Variants in RBL1 observed in about 807,000 individuals in gnomAD.
RBL1 encodes the protein retinoblastoma-like protein 1.
In RBL1, 82 loss-of-function variants were observed where a neutral mutation model predicts 123.0. The ratio of observed to expected loss-of-function variants is 0.67; its 90% confidence interval spans 0.56 to 0.80. The LOEUF (loss-of-function observed/expected upper bound fraction) is 0.80. Ranked by LOEUF, RBL1 falls within the 30% of genes least tolerant of loss-of-function variation. RBL1 has a pLI of 0.00. For synonymous variants in RBL1, 405 were observed against 441.3 expected (o/e 0.92, Z 1.03); for missense variants, 1,171 against 1,299.6 (o/e 0.90, Z 1.52).
intron 21 of RBL1, among the ~76,000 whole-genome samples, chr20:36,999,389 A>C (rs1470087008): frequency 6.6e-6 from 1 of 151,910 alleles, no homozygotes; most frequent in African/African-American, 2.4e-5. Context: ...ACCTTGTCTC[A>C]AAAACCAAAC....
At chr20:37,047,472 T>C (rs758037030) in intron 11 of RBL1, among the ~76,000 whole-genome samples, 13 of 152,162 alleles carry the variant, frequency 8.5e-5, no homozygotes, top group Non-Finnish European at 1.6e-4. Flanking sequence ...AGCATTAGAA[T>C]TGGTTATTTT....
intron 15 of RBL1, among the ~76,000 whole-genome samples, chr20:37,033,688 T>C (rs1026967664): frequency 7.3e-5 from 11 of 151,006 alleles, no homozygotes; most frequent in African/African-American, 2.4e-4. Context: ...CTTGGCTCAC[T>C]GAGACCTCTG....
At chr20:37,024,825 T>C (rs2064394831) in intron 16 of RBL1, among the ~76,000 whole-genome samples, 1 of 152,308 alleles carries the variant, frequency 6.6e-6, no homozygotes, top group East Asian at 1.9e-4. Context: ...GAAACTGCTA[T>C]ATTTTCAAGC....
intron 16 of RBL1, among the ~76,000 whole-genome samples, chr20:37,023,511 A>C (rs1391389569): frequency 1.3e-5 from 2 of 152,152 alleles, no homozygotes; most frequent in East Asian, 3.8e-4. Flanking sequence ...ATGCCAAATA[A>C]TAAATGAAAT....
chr20:37,025,129 T>C (rs771234540), intron 16 of RBL1, among the ~76,000 whole-genome samples: 11 of 152,194 alleles, frequency 7.2e-5, no homozygotes, highest in Non-Finnish European at 1.6e-4. Context: ...GTAGAAGCTA[T>C]AAATGAGTTG....
intron 19 of RBL1, among the ~76,000 whole-genome samples, chr20:37,010,380 T>G (rs1465079387): frequency 6.6e-6 from 1 of 152,240 alleles, no homozygotes; most frequent in East Asian, 1.9e-4. Flanking sequence ...GAACAAGCCC[T>G]GTATTAAATA....
Position 37,089,247 on chromosome 20 carries a change from G to A in RBL1, c.157-125C>T, listed in dbSNP as rs74567573. On this transcript the variant is annotated intron_variant, in intron 1 of 21. Transcript: ENST00000373664. ...CTTATGTAGATAAAGGGCCAGAGAA[G>A]TGAAGATATTTGCCCAAGGTCACAA... 1.5e-3 allele frequency: 1,452 copies of A among 939,924 alleles called. 34 individuals are homozygous for A. In the East Asian group the frequency reaches 0.037, roughly 24 times the overall value. 58.2% of individuals were successfully genotyped at this position (939,924 alleles called of 1,614,324 possible).
At chr20:37,007,870 C>T (rs553138441) in intron 19 of RBL1, among the ~76,000 whole-genome samples, 36 of 152,110 alleles carry the variant, frequency 2.4e-4, no homozygotes, top group African/African-American at 8.7e-4. Context: ...GGATTACAGG[C>T]ATGAGCCACC....
At chr20:37,015,543 A>G (rs6017001) in intron 19 of RBL1, among the ~76,000 whole-genome samples, 24,666 of 149,334 alleles carry the variant, frequency 0.17, 2,462 homozygotes, top group East Asian at 0.49. Flanking sequence ...CCCTTCTCCT[A>G]CCTCAGCCTC....
chr20:37,091,095 G>T (rs1357767330), intron 1 of RBL1, among the ~76,000 whole-genome samples: 1 of 152,146 alleles, frequency 6.6e-6, no homozygotes, highest in African/African-American at 2.4e-5. Flanking sequence ...GGTGGCTCAC[G>T]TCTGTAATCC....
chr20:37,062,336 TAG>T (rs988351151), intron 7 of RBL1, 66 bp from the exon 8 acceptor site: 1 of 1,553,716 alleles, frequency 6.4e-7, no homozygotes, highest in African/African-American at 1.4e-5. Context: ...GACTTGAAGA[TAG>T]ATTTAGTGTT....
chr20:37,004,222 T>C (rs531446064), intron 20 of RBL1, among the ~76,000 whole-genome samples: 5 of 151,372 alleles, frequency 3.3e-5, no homozygotes, highest in Admixed American at 6.6e-5. Context: ...AGGCATGTGC[T>C]GGGATTACAG....
chr20:37,018,490 T>A, intron 18 of RBL1, 121 bp from the exon 19 acceptor site: 1 of 1,337,564 alleles, frequency 7.5e-7, no homozygotes, highest in East Asian at 2.7e-5. Context: ...TAAGTGATAC[T>A]CAAGGGTAAA....
chr20:37,053,510 G>C (rs192102802), intron 11 of RBL1, among the ~76,000 whole-genome samples: 188 of 152,198 alleles, frequency 1.2e-3, no homozygotes, highest in African/African-American at 4.4e-3. Context: ...GAGCTGCTGA[G>C]GTAGGCTCTC....
rs1282856920 is a variant in RBL1 at position 37,024,452 on chromosome 20, C to T, written c.2383-1626G>A. On this transcript the variant is annotated intron_variant, in intron 16 of 21. Coordinates refer to ENST00000373664, the MANE Select transcript of RBL1 (RefSeq NM_002895.5). Reference sequence around the variant, plus strand: ...ACTTGGTAAAGTATCTTTTACAGAGCTGATCCAATGCTTACAGGATACACA... The same window carrying T: ...ACTTGGTAAAGTATCTTTTACAGAGTTGATCCAATGCTTACAGGATACACA... 3.3e-5 allele frequency among the ~76,000 whole-genome samples: 5 copies of T among 152,266 alleles called. No individual in the cohort carries two copies. In the East Asian group the frequency reaches 9.6e-4, roughly 29 times the overall value.
chr20:37,068,418 G>C (rs900182668), intron 2 of RBL1, among the ~76,000 whole-genome samples: 8 of 152,018 alleles, frequency 5.3e-5, no homozygotes, highest in African/African-American at 1.9e-4. Context: ...CTTGAGCCCA[G>C]GATGTCGAGA....
rs373654799 is a variant in RBL1 at position 37,091,185 on chromosome 20, C to T, written c.157-2063G>A. Reference sequence around the variant, plus strand: ...CAGCCTGGCCAATGTGGCGAAACCCCGTCTCTACTAAAAAATACAAAAATT... The same window carrying T: ...CAGCCTGGCCAATGTGGCGAAACCCTGTCTCTACTAAAAAATACAAAAATT... On this transcript the variant is annotated intron_variant, in intron 1 of 21. Coordinates refer to ENST00000373664, the MANE Select transcript of RBL1 (RefSeq NM_002895.5). Among the ~76,000 whole-genome samples the T allele has an allele frequency of 7.9e-5, 12 of 152,072 alleles. No individual in the cohort carries two copies. In the South Asian group the frequency reaches 1.7e-3, roughly 21 times the overall value.
chr20:37,050,049 C>T (rs1249886273), intron 11 of RBL1, among the ~76,000 whole-genome samples: 9 of 130,534 alleles, frequency 6.9e-5, no homozygotes, highest in Admixed American at 5.0e-4. Flanking sequence ...GCAACAAGAG[C>T]GAAACTCCAT....
chr20:37,067,319 T>G, intron 3 of RBL1, 22 bp from the exon 4 acceptor site: 1 of 1,553,076 alleles, frequency 6.4e-7, no homozygotes, highest in Non-Finnish European at 8.7e-7. Context: ...AAAAAATTAC[T>G]TTTTGTCTGA....
Sources: gnomAD v4.1 joint callset for allele counts (sites outside exome capture counted in the v4.1 genomes callset) on GRCh38, gnomAD v4.1.1 for gene constraint, MANE v1.5 for transcripts, NCBI Gene and HGNC (gene_info 2026-07-23, HGNC 2026-07-21) for gene names.